The following MGST2 variants were observed in gnomAD, a reference collection of about 807,000 sequenced individuals.
MGST2 encodes microsomal glutathione S-transferase 2.
In MGST2, 9 loss-of-function variants were observed where a neutral mutation model predicts 16.6. That is an observed-to-expected ratio of 0.54 (90% CI 0.33 to 0.95). MGST2 has a LOEUF of 0.95. MGST2 is among the 40% of genes least tolerant of loss of function. MGST2 has a pLI of 0.03. For synonymous variants in MGST2, 79 were observed against 68.0 expected (o/e 1.16, Z -0.79); for missense variants, 159 against 175.1 (o/e 0.91, Z 0.52).
At chr4:139,673,012 C>G (rs1003553177) in intron 1 of MGST2, among the ~76,000 whole-genome samples, 6 of 152,190 alleles carry the variant, frequency 3.9e-5, no homozygotes, top group Non-Finnish European at 5.9e-5. Context: ...AGATCATATC[C>G]TGTTCCAGTA....
chr4:139,702,385 C>T (rs997355663), intron 3 of MGST2, among the ~76,000 whole-genome samples: 1 of 152,184 alleles, frequency 6.6e-6, no homozygotes, highest in Middle Eastern at 3.4e-3. Flanking sequence ...TTGTTTTCAT[C>T]AGTTAGGTTT....
At chr4:139,687,318 G>T (rs780817466) in intron 2 of MGST2, among the ~76,000 whole-genome samples, 1 of 152,148 alleles carries the variant, frequency 6.6e-6, no homozygotes, top group Non-Finnish European at 1.5e-5. Context: ...CCCAGCCCTA[G>T]CCCAATTTTT....
At chr4:139,726,919 C>T (rs74872367) in intron 5 of MGST2, among the ~76,000 whole-genome samples, 3,478 of 152,246 alleles carry the variant, frequency 0.023, 68 homozygotes, top group Middle Eastern at 0.044. Context: ...CTAGGTCTGC[C>T]GTCAAGTAGC....
chr4:139,724,894 G>A (rs898048240), intron 5 of MGST2, among the ~76,000 whole-genome samples: 2 of 151,596 alleles, frequency 1.3e-5, no homozygotes, highest in African/African-American at 4.9e-5. Context: ...AAGTAACTGA[G>A]ATTACAGGTA....
At chr4:139,737,796 T>G (rs149103246) in intron 5 of MGST2, among the ~76,000 whole-genome samples, 2 of 152,334 alleles carry the variant, frequency 1.3e-5, no homozygotes, top group African/African-American at 4.8e-5. Context: ...GAGAGGTGTT[T>G]ACAATAAATT....
At chr4:139,667,089 A>T (rs913867575) in intron 1 of MGST2, among the ~76,000 whole-genome samples, 16 of 151,854 alleles carry the variant, frequency 1.1e-4, no homozygotes, top group Admixed American at 9.2e-4. Context: ...CATTTAACTG[A>T]GTTTAATTGA....
the MGST2 span, among the ~76,000 whole-genome samples, chr4:139,753,720 T>G: frequency 1.3e-5 from 2 of 152,216 alleles, no homozygotes; most frequent in African/African-American, 4.8e-5. Context: ...GATGTTAAAC[T>G]ATCAAAGCTT....
At chr4:139,675,123 C>G (rs1040393337) in intron 1 of MGST2, among the ~76,000 whole-genome samples, 4 of 152,118 alleles carry the variant, frequency 2.6e-5, no homozygotes, top group Non-Finnish European at 4.4e-5. Flanking sequence ...TATAGGGAAC[C>G]GAACGTCTTG....
chr4:139,733,611 A>G (rs1227600101), intron 5 of MGST2, among the ~76,000 whole-genome samples: 1 of 151,790 alleles, frequency 6.6e-6, no homozygotes, highest in Non-Finnish European at 1.5e-5. Context: ...ATTTCCCCAA[A>G]TAATTCCCTC....
chr4:139,711,983 ACT>A (rs1727760822), intron 5 of MGST2, among the ~76,000 whole-genome samples: 1 of 152,052 alleles, frequency 6.6e-6, no homozygotes, highest in South Asian at 2.1e-4. Context: ...GCCATTCATG[ACT>A]CTTGAGTTTT....
intron 2 of MGST2, among the ~76,000 whole-genome samples, chr4:139,682,354 T>C (rs1202710770): frequency 6.6e-6 from 1 of 151,864 alleles, no homozygotes; most frequent in Non-Finnish European, 1.5e-5. Flanking sequence ...TGGGTGTAGG[T>C]CCCGCTGAGA....
intron 5 of MGST2, chr4:139,725,750 C>T (rs1728444609): frequency 6.2e-7 from 1 of 1,613,910 alleles, no homozygotes; most frequent in Non-Finnish European, 8.5e-7. Flanking sequence ...ACTGGCCTCA[C>T]CTTGAAACTG....
intron 2 of MGST2, among the ~76,000 whole-genome samples, chr4:139,692,992 A>G: frequency 6.6e-6 from 1 of 152,270 alleles, no homozygotes; most frequent in East Asian, 1.9e-4. Context: ...AAACAATCTT[A>G]TCACACCTAA....
intron 2 of MGST2, among the ~76,000 whole-genome samples, chr4:139,687,432 C>T (rs775066609): frequency 6.6e-6 from 1 of 152,210 alleles, no homozygotes; most frequent in Non-Finnish European, 1.5e-5. Context: ...GCAGAATTCC[C>T]TGGGATAACC....
intron 2 of MGST2, among the ~76,000 whole-genome samples, chr4:139,686,652 A>G (rs2110850055): frequency 6.6e-6 from 1 of 152,140 alleles, no homozygotes; most frequent in East Asian, 1.9e-4. Context: ...TTTATACTTA[A>G]CCTTTATTTA....
intron 2 of MGST2, among the ~76,000 whole-genome samples, chr4:139,682,285 G>T (rs1410195604): frequency 6.6e-6 from 1 of 152,112 alleles, no homozygotes; most frequent in African/African-American, 2.4e-5. Flanking sequence ...CGTTGTAAGA[G>T]GGTATGGGAT....
intron 2 of MGST2, among the ~76,000 whole-genome samples, chr4:139,689,102 A>G (rs1579311140): frequency 1.7e-5 from 2 of 118,108 alleles, no homozygotes; most frequent in East Asian, 2.8e-4. Flanking sequence ...GTGAGACGCC[A>G]TCTCAAAAAA....
intron 5 of MGST2, chr4:139,717,188 T>TA (rs923887038): frequency 5.9e-5 from 9 of 152,684 alleles, no homozygotes; most frequent in Middle Eastern, 3.4e-3. Flanking sequence ...ACCACCATAT[T>TA]AAAATCTACC....
intron 5 of MGST2, among the ~76,000 whole-genome samples, chr4:139,712,968 G>C (rs1418263502): frequency 6.6e-6 from 1 of 152,212 alleles, no homozygotes; most frequent in Non-Finnish European, 1.5e-5. Context: ...AAATTCTGAA[G>C]TCAGGTTAGA....
Sources: gnomAD v4.1 joint callset for allele counts (sites outside exome capture counted in the v4.1 genomes callset) on GRCh38, gnomAD v4.1.1 for gene constraint, MANE v1.5 for transcripts, NCBI Gene and HGNC (gene_info 2026-07-23, HGNC 2026-07-21) for gene names.